The following CEP112 variants were observed in gnomAD, a reference collection of about 807,000 sequenced individuals.
CEP112 encodes the protein centrosomal protein of 112 kDa.
CEP112 carries 127 observed loss-of-function variants against 153.0 expected under a neutral mutation model. That is an observed-to-expected ratio of 0.83 (90% CI 0.72 to 0.96). The LOEUF (loss-of-function observed/expected upper bound fraction) is 0.96. CEP112 is among the 40% of genes least tolerant of loss of function. The pLI is 0.00. For synonymous variants in CEP112, 358 were observed against 374.4 expected (o/e 0.96, Z 0.51); for missense variants, 1,089 against 1,101.2 (o/e 0.99, Z 0.16).
At chr17:65,868,288 T>A (rs1235462297) in intron 20 of CEP112, among the ~76,000 whole-genome samples, 1 of 151,982 alleles carries the variant, frequency 6.6e-6, no homozygotes, top group African/African-American at 2.4e-5. Context: ...TCAATTGAGG[T>A]CAGGAGTTCA....
chr17:65,703,433 CCT>C (rs2048739285), intron 23 of CEP112, among the ~76,000 whole-genome samples: 1 of 150,854 alleles, frequency 6.6e-6, no homozygotes, highest in Non-Finnish European at 1.5e-5. Context: ...ATTGCTTGAA[CCT>C]GGGAGGTGAA....
Position 65,970,386 on chromosome 17 carries a change from T to TTGC in CEP112, c.1737-8789_1737-8788insGCA, listed in dbSNP as rs1568313710. Among the ~76,000 whole-genome samples the TTGC allele has an allele frequency of 3.6e-4, 22 of 61,514 alleles. 3 individuals carry two copies. Among genetic ancestry groups the TTGC allele is most frequent in the African/African-American group, 9.6e-4 (22 of 23,016 alleles). 40.4% of individuals were successfully genotyped at this position (61,514 alleles called of 152,430 possible). On this transcript the variant is annotated intron_variant, in intron 17 of 26. Transcript: ENST00000535342. ...ATATTACATGCACACATCATGCATA[T>TTGC]ATATTACATGCATGCACACATCATG...
Position 65,938,427 on chromosome 17 carries a change from A to G in CEP112, c.1873-10738T>C, listed in dbSNP as rs973948020. Among the ~76,000 whole-genome samples the G allele has an allele frequency of 2.9e-4, 42 of 146,608 alleles. No homozygotes were observed. In the South Asian group the frequency reaches 3.7e-3, roughly 13 times the overall value. On this transcript the variant is annotated intron_variant, in intron 18 of 26. Coordinates refer to ENST00000535342, the MANE Select transcript of CEP112 (RefSeq NM_001199165.4). The stretch of plus-strand genomic sequence containing the variant: ...AAGAATGATCAATAAAAAAAAAAAA[A>G]AAAAAGAAAGAAAAAAAAATACCAT...
chr17:65,962,145 G>A (rs1245254242), intron 17 of CEP112, among the ~76,000 whole-genome samples: 1 of 152,204 alleles, frequency 6.6e-6, no homozygotes, highest in African/African-American at 2.4e-5. Flanking sequence ...GATATGAAAT[G>A]AGGAAAATAT....
chr17:65,947,454 C>A (rs1157771908), intron 18 of CEP112, among the ~76,000 whole-genome samples: 1 of 152,000 alleles, frequency 6.6e-6, no homozygotes, highest in African/African-American at 2.4e-5. Flanking sequence ...TAAAAAATAA[C>A]AATGTTACTA....
chr17:65,770,362 C>T lies in CEP112; in HGVS notation c.2395-19638G>A, dbSNP rs147455367. Among the ~76,000 whole-genome samples, 1,173 of 151,954 alleles carry T rather than the reference C, an allele frequency of 7.7e-3. 10 individuals are homozygous for T. Among genetic ancestry groups the T allele is most frequent in the South Asian group, 0.016 (75 of 4,820 alleles). ...AAAGTGCTGAAATTAAAAAAAAAAT[C>T]TGTTAATCTAGAAATGCATATCCAG... On this transcript the variant is annotated intron_variant, in intron 21 of 26. Transcript: ENST00000535342.
rs115070465 is a variant in CEP112 at position 65,710,530 on chromosome 17, A to G, written c.2608-21312T>C. ...AAGTAATAAAGTCAACAAATATTTC[A>G]TTTCCTGGCCTTTCCTTGCCCTAAA... On this transcript the variant is annotated intron_variant, in intron 23 of 26. Transcript: ENST00000535342. 9.9e-3 allele frequency among the ~76,000 whole-genome samples: 1,504 copies of G among 152,258 alleles called. 25 individuals are homozygous for G. The highest frequency in any genetic ancestry group is 0.034 in the African/African-American group (1,428 of 41,548).
In CEP112 at chr17:65,955,020, G is replaced by T. The variant is rs373428830; in HGVS notation, c.1872+6443C>A. On this transcript the variant is annotated intron_variant, in intron 18 of 26. Transcript: ENST00000535342. ...ATACAAGAAGCACAAAGAACACATG[G>T]GAAATTCATCACAAAAAGATCATCG... 3.4e-4 allele frequency among the ~76,000 whole-genome samples: 52 copies of T among 152,222 alleles called. No homozygotes were observed. The East Asian group carries it at 3.5e-3, about 10-fold the overall frequency.
At chr17:65,826,001 G>A (rs914361617) in intron 21 of CEP112, 2 of 813,456 alleles carry the variant, frequency 2.5e-6, no homozygotes, top group African/African-American at 1.7e-5. Flanking sequence ...TGTGATTGCA[G>A]TTTGTTCCAT....
intron 21 of CEP112, among the ~76,000 whole-genome samples, chr17:65,813,395 G>A (rs1322768332): frequency 1.3e-5 from 2 of 152,144 alleles, no homozygotes; most frequent in African/African-American, 4.8e-5. Context: ...TGGGAAATGA[G>A]GAATGTGGCA....
chr17:66,013,660 G>A (rs556821498), intron 16 of CEP112, among the ~76,000 whole-genome samples: 82 of 152,336 alleles, frequency 5.4e-4, no homozygotes, highest in African/African-American at 1.8e-3. Context: ...AGTGGTGCCA[G>A]CCAAAGCGCT....
chr17:65,986,211 A>G lies in CEP112; in HGVS notation c.1736+19479T>C, dbSNP rs150812397. 2.6e-5 allele frequency among the ~76,000 whole-genome samples: 4 copies of G among 152,290 alleles called. No homozygotes were observed. The East Asian group carries it at 7.7e-4, about 29-fold the overall frequency. ...AACATCGCAAGAACAGTAATAACTC[A>G]GATAAACAGAAAACACAGTGAAAGA... On this transcript the variant is annotated intron_variant, in intron 17 of 26. Coordinates refer to ENST00000535342, the MANE Select transcript of CEP112 (RefSeq NM_001199165.4).
chr17:66,177,760 T>C (rs2072548133), intron 2 of CEP112, among the ~76,000 whole-genome samples: 1 of 148,516 alleles, frequency 6.7e-6, no homozygotes, highest in South Asian at 2.3e-4. Flanking sequence ...TCTATCTCCA[T>C]GAGTTCAGTT....
chr17:66,053,629 G>A, intron 12 of CEP112, 107 bp downstream of exon 12: 4 of 1,146,596 alleles, frequency 3.5e-6, no homozygotes, highest in Non-Finnish European at 3.6e-6. Flanking sequence ...TTTTTCTTTT[G>A]ATTCTGTAAC....
intron 21 of CEP112, among the ~76,000 whole-genome samples, chr17:65,775,056 T>C (rs1292689211): frequency 1.3e-5 from 2 of 152,068 alleles, no homozygotes; most frequent in Non-Finnish European, 2.9e-5. Flanking sequence ...GGCGGGAACA[T>C]GAGGCTCAGT....
chr17:66,092,182 G>C (rs1373169950), intron 8 of CEP112, among the ~76,000 whole-genome samples: 1 of 151,490 alleles, frequency 6.6e-6, no homozygotes, highest in Non-Finnish European at 1.5e-5. Context: ...TGGGATTACA[G>C]GTGCACACCA....
At chr17:66,005,908 G>T (rs939453613) in intron 16 of CEP112, 139 bp from the exon 17 acceptor site, 1 of 716,244 alleles carries the variant, frequency 1.4e-6, no homozygotes, top group African/African-American at 1.9e-5. Context: ...TAGAAACTTG[G>T]TCTACCATAG....
At chr17:66,122,894 G>C (rs540274181) in intron 6 of CEP112, among the ~76,000 whole-genome samples, 2 of 152,110 alleles carry the variant, frequency 1.3e-5, no homozygotes, top group Admixed American at 1.3e-4. Flanking sequence ...TAATTAGTAG[G>C]AACTACCAGT....
chr17:65,869,888 A>G (rs1403994454), intron 20 of CEP112, among the ~76,000 whole-genome samples: 1 of 152,066 alleles, frequency 6.6e-6, no homozygotes, highest in Admixed American at 6.6e-5. Context: ...CCAGGCCGAT[A>G]AACTTTAATT....
Sources: allele counts gnomAD v4.1 joint callset (sites outside exome capture counted in the v4.1 genomes callset), GRCh38; gene constraint gnomAD v4.1.1; transcripts MANE v1.5; gene names NCBI Gene and HGNC (gene_info 2026-07-23, HGNC 2026-07-21).